The following GRIA1 variants were observed in gnomAD, a reference collection of about 807,000 sequenced individuals.
GRIA1 encodes glutamate receptor 1.
GRIA1 carries 31 observed loss-of-function variants against 99.2 expected under a neutral mutation model. The ratio of observed to expected loss-of-function variants is 0.31; its 90% confidence interval spans 0.23 to 0.42. The LOEUF is 0.42. Among genes scored for constraint, GRIA1 ranks in the 10% least tolerant of loss-of-function variants. The pLI is 1.00. For synonymous variants in GRIA1, 438 were observed against 432.4 expected, an observed-to-expected ratio of 1.01 and a Z score of -0.16; for missense variants, 782 against 1,157.5, an observed-to-expected ratio of 0.68 and a Z score of 4.71.
intron 7 of GRIA1, among the ~76,000 whole-genome samples, chr5:153,681,817 C>CCT (rs1286797570): frequency 6.6e-6 from 1 of 152,002 alleles, no homozygotes; most frequent in Non-Finnish European, 1.5e-5. Flanking sequence ...GGGCAGATCA[C>CCT]GAGGTAAGGA....
Position 153,616,261 on chromosome 5 carries a change from T to G in GRIA1, c.221-30667T>G, listed in dbSNP as rs1207736092. ...AAGGCTTTTCAAACATGGTACAATT[T>G]GATTGTTTCTTCCTTTATGCTCCTT... On this transcript the variant is annotated intron_variant, in intron 2 of 15. Coordinates refer to ENST00000285900, the MANE Select transcript of GRIA1 (RefSeq NM_000827.4). Among the ~76,000 whole-genome samples, 3 of 152,216 alleles carry G rather than the reference T, an allele frequency of 2.0e-5. No individual in the cohort carries two copies. The South Asian group carries it at 6.2e-4, about 32-fold the overall frequency.
chr5:153,609,367 C>T (rs1319203947), intron 2 of GRIA1, among the ~76,000 whole-genome samples: 1 of 152,030 alleles, frequency 6.6e-6, no homozygotes, highest in African/African-American at 2.4e-5. Flanking sequence ...ATTACATAGT[C>T]TTTCATTAAC....
At chr5:153,664,002 C>T (rs1440307633) in intron 5 of GRIA1, among the ~76,000 whole-genome samples, 2 of 152,216 alleles carry the variant, frequency 1.3e-5, no homozygotes, top group Non-Finnish European at 2.9e-5. Context: ...ATTGCTCTGA[C>T]AGAGCATGGA....
At chr5:153,581,390 C>A (rs72802631) in intron 2 of GRIA1, among the ~76,000 whole-genome samples, 4 of 152,188 alleles carry the variant, frequency 2.6e-5, no homozygotes, top group South Asian at 2.1e-4. Flanking sequence ...ACCTCTCTGA[C>A]CTCCCCTCAC....
rs369016985 is a variant in GRIA1 at position 153,745,448 on chromosome 5, GT to G, written c.1824-18985del. 4.1e-3 allele frequency among the ~76,000 whole-genome samples: 621 copies of G among 152,004 alleles called. 9 individuals are homozygous for G. The highest frequency in any genetic ancestry group is 0.014 in the African/African-American group (586 of 41,472). Reference sequence around the variant, plus strand: ...ACTAAAGATACAAAAAATTAGCTGGGTGTGGTTGTGCATGCCTGTAATCTTA... The same window carrying G: ...ACTAAAGATACAAAAAATTAGCTGGGGTGGTTGTGCATGCCTGTAATCTTA... On this transcript the variant is annotated intron_variant, in intron 11 of 15. Transcript: ENST00000285900.
intron 2 of GRIA1, among the ~76,000 whole-genome samples, chr5:153,539,188 T>C (rs143682867): frequency 4.5e-4 from 69 of 152,336 alleles, no homozygotes; most frequent in African/African-American, 1.7e-3. Context: ...ATTAAAGTTA[T>C]TTAAAAAGGA....
chr5:153,644,385 G>A (rs371473777), intron 2 of GRIA1, among the ~76,000 whole-genome samples: 1 of 152,156 alleles, frequency 6.6e-6, no homozygotes, highest in African/African-American at 2.4e-5. Flanking sequence ...AGGCAGGGGA[G>A]CAACTAGTTC....
chr5:153,640,250 T>C (rs1034595884), intron 2 of GRIA1, among the ~76,000 whole-genome samples: 1 of 151,602 alleles, frequency 6.6e-6, no homozygotes. Context: ...AATACACAAA[T>C]ATGACCTGGG....
At chr5:153,525,885 T>C (rs1354796071) in intron 2 of GRIA1, among the ~76,000 whole-genome samples, 1 of 152,234 alleles carries the variant, frequency 6.6e-6, no homozygotes, top group Non-Finnish European at 1.5e-5. Flanking sequence ...GGTATACAAC[T>C]GGCACTTTGA....
chr5:153,519,098 A>G (rs555170222), intron 2 of GRIA1, among the ~76,000 whole-genome samples: 1 of 152,108 alleles, frequency 6.6e-6, no homozygotes, highest in Non-Finnish European at 1.5e-5. Flanking sequence ...CCCCGTCTCT[A>G]CCAAAAATAC....
intron 2 of GRIA1, among the ~76,000 whole-genome samples, chr5:153,628,341 C>A (rs1450277605): frequency 6.6e-6 from 1 of 152,184 alleles, no homozygotes; most frequent in Non-Finnish European, 1.5e-5. Flanking sequence ...AAGCATGGAG[C>A]TGAAGTTCAG....
intron 5 of GRIA1, among the ~76,000 whole-genome samples, chr5:153,672,773 C>T (rs894636498): frequency 1.3e-5 from 2 of 152,176 alleles, no homozygotes; most frequent in Admixed American, 1.3e-4. Flanking sequence ...CAGAACTTCT[C>T]CATCGACCAT....
intron 11 of GRIA1, among the ~76,000 whole-genome samples, chr5:153,757,528 G>T (rs181915888): frequency 6.6e-5 from 10 of 152,252 alleles, no homozygotes; most frequent in Admixed American, 1.3e-4. Flanking sequence ...AGGACAAAGA[G>T]AATTCTAAAA....
At chr5:153,738,808 C>T (rs887742070) in intron 11 of GRIA1, among the ~76,000 whole-genome samples, 6 of 149,060 alleles carry the variant, frequency 4.0e-5, no homozygotes, top group East Asian at 2.0e-4. Flanking sequence ...CCGCAACCTC[C>T]GCCTCCCAGG....
At chr5:153,621,666 A>G (rs1767064621) in intron 2 of GRIA1, among the ~76,000 whole-genome samples, 1 of 152,180 alleles carries the variant, frequency 6.6e-6, no homozygotes, top group Non-Finnish European at 1.5e-5. Context: ...GCTAAGTTCC[A>G]GCCTGCCTCT....
At chr5:153,497,418 C>G (rs1410274169) in intron 2 of GRIA1, among the ~76,000 whole-genome samples, 1 of 152,114 alleles carries the variant, frequency 6.6e-6, no homozygotes, top group Admixed American at 6.6e-5. Context: ...ATTTATTCAC[C>G]TATTTATTCA....
intron 2 of GRIA1, among the ~76,000 whole-genome samples, chr5:153,598,091 T>C (rs1278810069): frequency 6.6e-6 from 1 of 152,102 alleles, no homozygotes; most frequent in Admixed American, 6.6e-5. Context: ...ATGACCATTG[T>C]ATAAATGTGA....
At position 153,492,119 on chromosome 5, in the gene GRIA1, G is replaced by T. The variant is rs1044834707; in HGVS notation, c.82+1149G>T. 9.9e-6 allele frequency: 14 copies of T among 1,410,766 alleles called. No homozygotes were observed. In the South Asian group the frequency reaches 1.1e-4, roughly 11 times the overall value. 87.4% of individuals were successfully genotyped at this position (1,410,766 alleles called of 1,614,324 possible). On this transcript the variant is annotated intron_variant, in intron 1 of 15. Transcript: ENST00000285900. ...GAGATAGCTCCACTAGGGAAAGTTC[G>T]CATTGCTGGGAGTTTGTGCTCTTTT...
At chr5:153,625,341 C>A (rs1767494934) in intron 2 of GRIA1, among the ~76,000 whole-genome samples, 1 of 152,182 alleles carries the variant, frequency 6.6e-6, no homozygotes, top group Admixed American at 6.5e-5. Flanking sequence ...ATTCAGCATC[C>A]ATTTAGGATA....
Sources: allele counts gnomAD v4.1 joint callset (sites outside exome capture counted in the v4.1 genomes callset), GRCh38; gene constraint gnomAD v4.1.1; transcripts MANE v1.5; gene names NCBI Gene and HGNC (gene_info 2026-07-23, HGNC 2026-07-21).